The following PLCH1 variants were observed in gnomAD, a reference collection of about 807,000 sequenced individuals.
PLCH1 encodes phospholipase C eta 1, also known as 1-phosphatidylinositol 4,5-bisphosphate phosphodiesterase eta-1.
A neutral mutation model predicts 126.7 loss-of-function variants in PLCH1; 60 were observed. That is an observed-to-expected ratio of 0.47 (90% CI 0.38 to 0.59). The LOEUF is 0.59. Ranked by LOEUF, PLCH1 falls within the 20% of genes least tolerant of loss-of-function variation. PLCH1 has a pLI of 0.00. For missense variants in PLCH1, 1,723 were observed against 2,040.0 expected, an observed-to-expected ratio of 0.84 and a Z score of 2.99; for synonymous variants, 719 against 734.9, an observed-to-expected ratio of 0.98 and a Z score of 0.35.
chr3:155,505,562 C>T (rs1424183133), intron 12 of PLCH1, among the ~76,000 whole-genome samples: 1 of 151,992 alleles, frequency 6.6e-6, no homozygotes, highest in African/African-American at 2.4e-5. Flanking sequence ...TCTGTATATG[C>T]CCATAGATGC....
At chr3:155,517,726 T>C (rs1363820648) in intron 11 of PLCH1, among the ~76,000 whole-genome samples, 1 of 152,198 alleles carries the variant, frequency 6.6e-6, no homozygotes, top group Non-Finnish European at 1.5e-5. Flanking sequence ...TAAGCTCACA[T>C]ACATAAGTAC....
chr3:155,597,058 T>C (rs1733071300), intron 2 of PLCH1, among the ~76,000 whole-genome samples: 2 of 152,244 alleles, frequency 1.3e-5, no homozygotes, highest in Non-Finnish European at 1.5e-5. Context: ...AAATCCACTC[T>C]GCTTTGAGAC....
intron 2 of PLCH1, among the ~76,000 whole-genome samples, chr3:155,635,699 G>A (rs527656452): frequency 6.6e-6 from 1 of 152,288 alleles, no homozygotes; most frequent in East Asian, 1.9e-4. Flanking sequence ...GCTGCCACCT[G>A]ATGAAAAGCC....
rs1464729245 is a variant in PLCH1 at position 155,565,068 on chromosome 3, G to A, written c.916C>T (p.His306Tyr). The stretch of plus-strand genomic sequence containing the variant: ...TCCATGTCTTGGTACACTTCATGGT[G>A]CAATGGGTTAAATATGTCACAGGCA... Reference protein sequence around the residue: ...SPACDIFNPLHHEVYQDMDQP... With the variant: ...SPACDIFNPLYHEVYQDMDQP... The change falls in exon 8 of 23, where the codon CAC becomes TAC. Residue 306 changes from histidine to tyrosine, a missense_variant. By Grantham distance (83) the His-to-Tyr change is moderately conservative (BLOSUM62 2). Coordinates refer to ENST00000460012, the MANE Select transcript of PLCH1 (RefSeq NM_014996.4). The A allele has an allele frequency of 6.2e-7, 1 of 1,613,652 alleles. No individual in the cohort carries two copies. Among genetic ancestry groups the A allele is most frequent in the African/African-American group, 1.3e-5 (1 of 74,920 alleles).
intron 10 of PLCH1, among the ~76,000 whole-genome samples, chr3:155,530,788 G>A (rs1265612663): frequency 6.6e-6 from 1 of 152,108 alleles, no homozygotes; most frequent in African/African-American, 2.4e-5. Flanking sequence ...TTTCAATTTA[G>A]TTTACCCAGA....
rs548000923 is a variant in PLCH1, at chr3:155,705,188, C to G, written c.-40-924G>C. 2.0e-5 allele frequency among the ~76,000 whole-genome samples: 3 copies of G among 152,212 alleles called. No individual in the cohort carries two copies. The East Asian group carries it at 5.8e-4, about 29-fold the overall frequency. On this transcript the variant is annotated intron_variant, in intron 1 of 22. Coordinates refer to ENST00000460012, the MANE Select transcript of PLCH1 (RefSeq NM_014996.4). Reference sequence around the variant, plus strand: ...CCACCTAGAATTTTGTAAACGTATCCCAGGATAAAATCAGTCACTTAGTGA... The same window carrying G: ...CCACCTAGAATTTTGTAAACGTATCGCAGGATAAAATCAGTCACTTAGTGA...
chr3:155,629,357 A>G (rs145799129), intron 2 of PLCH1, among the ~76,000 whole-genome samples: 1 of 152,294 alleles, frequency 6.6e-6, no homozygotes, highest in African/African-American at 2.4e-5. Flanking sequence ...ATTAATTCCA[A>G]TCCACACACA....
intron 2 of PLCH1, among the ~76,000 whole-genome samples, chr3:155,609,578 G>A (rs1220107171): frequency 6.6e-6 from 1 of 152,064 alleles, no homozygotes; most frequent in African/African-American, 2.4e-5. Context: ...GAATTCATAA[G>A]GTAGGTCTAT....
At chr3:155,601,548 A>G (rs1400439000) in intron 2 of PLCH1, among the ~76,000 whole-genome samples, 1 of 152,142 alleles carries the variant, frequency 6.6e-6, no homozygotes, top group Non-Finnish European at 1.5e-5. Context: ...ATACACATAT[A>G]TGATTACTAT....
At chr3:155,597,729 G>A (rs1733163001) in intron 2 of PLCH1, among the ~76,000 whole-genome samples, 1 of 152,138 alleles carries the variant, frequency 6.6e-6, no homozygotes, top group African/African-American at 2.4e-5. Context: ...CATAACAAAT[G>A]TTCACAATTT....
At chr3:155,638,279 C>G (rs1738969707) in intron 2 of PLCH1, among the ~76,000 whole-genome samples, 1 of 152,190 alleles carries the variant, frequency 6.6e-6, no homozygotes, top group African/African-American at 2.4e-5. Context: ...TTCTACTACC[C>G]ACTATCACCC....
intron 6 of PLCH1, among the ~76,000 whole-genome samples, chr3:155,570,320 C>A (rs1186559048): frequency 6.6e-6 from 1 of 152,092 alleles, no homozygotes; most frequent in Non-Finnish European, 1.5e-5. Context: ...TCCTTCTTCA[C>A]CCTGTTTTGC....
At chr3:155,688,885 GA>G (rs1236104443) in intron 2 of PLCH1, among the ~76,000 whole-genome samples, 2 of 152,198 alleles carry the variant, frequency 1.3e-5, no homozygotes. Context: ...CTGTAGAATA[GA>G]ACATCAGGTA....
At chr3:155,716,766 T>A (rs1747547113) in intron 1 of PLCH1, among the ~76,000 whole-genome samples, 1 of 152,146 alleles carries the variant, frequency 6.6e-6, no homozygotes, top group African/African-American at 2.4e-5. Context: ...CCGGGACATG[T>A]ATTCAAACTA....
At chr3:155,580,405 G>T (rs930866784) in intron 6 of PLCH1, among the ~76,000 whole-genome samples, 14 of 152,170 alleles carry the variant, frequency 9.2e-5, no homozygotes, top group African/African-American at 2.6e-4. Flanking sequence ...GCATTTAAAT[G>T]CTATAAAATG....
chr3:155,584,418 C>T (rs1731098395), intron 5 of PLCH1, among the ~76,000 whole-genome samples: 1 of 152,188 alleles, frequency 6.6e-6, no homozygotes, highest in Admixed American at 6.5e-5. Context: ...CCTGCTTTCC[C>T]TCCGTAGAAA....
At chr3:155,582,388 T>G (rs1393906627) in intron 6 of PLCH1, among the ~76,000 whole-genome samples, 1 of 152,136 alleles carries the variant, frequency 6.6e-6, no homozygotes, top group Non-Finnish European at 1.5e-5. Context: ...TGGCCAATAG[T>G]TGCACAACTC....
chr3:155,670,481 C>T (rs1031957272), intron 2 of PLCH1, among the ~76,000 whole-genome samples: 3 of 152,046 alleles, frequency 2.0e-5, no homozygotes, highest in Non-Finnish European at 4.4e-5. Flanking sequence ...TTAAACAGAT[C>T]GATAGAAATA....
intron 2 of PLCH1, among the ~76,000 whole-genome samples, chr3:155,606,766 G>T (rs574205753): frequency 6.6e-6 from 1 of 152,314 alleles, no homozygotes; most frequent in East Asian, 1.9e-4. Context: ...TTGGAAAAAT[G>T]CCTTTGCAAC....
Sources: allele counts gnomAD v4.1 joint callset (sites outside exome capture counted in the v4.1 genomes callset), GRCh38; gene constraint gnomAD v4.1.1; transcripts MANE v1.5; gene names NCBI Gene and HGNC (gene_info 2026-07-23, HGNC 2026-07-21).